The following PYGL variants were observed in gnomAD, a reference collection of about 807,000 sequenced individuals.
The protein encoded by PYGL is glycogen phosphorylase L.
Under a neutral mutation model 100.1 loss-of-function variants are expected in PYGL, and 90 were observed. That is an observed-to-expected ratio of 0.90 (90% CI 0.76 to 1.07). The LOEUF (loss-of-function observed/expected upper bound fraction) is 1.07. Ranked by LOEUF, PYGL falls within the 50% of genes least tolerant of loss-of-function variation. PYGL has a pLI of 0.00. For missense variants in PYGL, 1,016 were observed against 1,057.6 expected (o/e 0.96, Z 0.55); for synonymous variants, 373 against 393.0 (o/e 0.95, Z 0.60).
chr14:50,916,944 C>G lies in PYGL; in HGVS notation c.999+18G>C. 4 of 1,613,674 alleles carry G rather than the reference C, an allele frequency of 2.5e-6. No individual in the cohort carries two copies. The highest frequency in any genetic ancestry group is 3.4e-6 in the Non-Finnish European group (4 of 1,179,572). ...TCCCTCAGTGGACCCTAACTGCATCCACAGACTAAATACTTGCCTGATCCG... is the reference window on the plus strand; with the variant it reads ...TCCCTCAGTGGACCCTAACTGCATCGACAGACTAAATACTTGCCTGATCCG... On this transcript the variant is annotated intron_variant, in intron 8 of 19. Coordinates refer to ENST00000216392, the MANE Select transcript of PYGL (RefSeq NM_002863.5).
chr14:50,943,278 T>A (rs1307833326), intron 1 of PYGL, among the ~76,000 whole-genome samples: 1 of 152,152 alleles, frequency 6.6e-6, no homozygotes, highest in Non-Finnish European at 1.5e-5. Context: ...TCCCTCTCCC[T>A]GCCATGTCCT....
intron 19 of PYGL, 140 bp downstream of exon 19, chr14:50,908,130 GT>G: frequency 1.7e-6 from 1 of 579,492 alleles, no homozygotes. Context: ...TTGTTTGTTT[GT>G]TTTTGTTGTT....
At position 50,915,204 on chromosome 14, in the gene PYGL, T is replaced by C. The variant is rs2050434889; in HGVS notation, c.1403+132A>G. 3 of 1,155,688 alleles carry C rather than the reference T, an allele frequency of 2.6e-6. No homozygotes were observed. The Admixed American group carries it at 6.5e-5, about 25-fold the overall frequency. 71.6% of individuals were successfully genotyped at this position (1,155,688 alleles called of 1,614,324 possible). On this transcript the variant is annotated intron_variant, in intron 11 of 19. Coordinates refer to ENST00000216392, the MANE Select transcript of PYGL (RefSeq NM_002863.5). ...TTTTTTTTTTTTAGGCAAGAGTTTTTTGTATAGAAGAAAATACTTTTAAAC... is the reference window on the plus strand; with the variant it reads ...TTTTTTTTTTTTAGGCAAGAGTTTTCTGTATAGAAGAAAATACTTTTAAAC...
intron 11 of PYGL, 66 bp from the exon 12 acceptor site, chr14:50,914,881 A>G: frequency 8.2e-7 from 1 of 1,226,620 alleles, no homozygotes; most frequent in South Asian, 1.2e-5. Flanking sequence ...ACACTGGACA[A>G]AGTTCGGAGT....
intron 7 of PYGL, 42 bp downstream of exon 7, chr14:50,920,499 G>T (rs1226221905): frequency 9.9e-6 from 15 of 1,517,892 alleles, no homozygotes; most frequent in Non-Finnish European, 1.4e-5. Flanking sequence ...TGTGAAATAA[G>T]CTGCCTCTGT....
In PYGL at chr14:50,905,569, T is replaced by C. The variant is rs778041070; in HGVS notation, c.2380-13A>G. The C allele has an allele frequency of 6.2e-7, 1 of 1,613,670 alleles. No individual in the cohort carries two copies. Among genetic ancestry groups the C allele is most frequent in the African/African-American group, 1.3e-5 (1 of 74,908 alleles). ...AGGCCTTTGGATTCTGTAAACAACA[T>C]ATGCATATACAGCCCAGAGTCCCAG... On this transcript the variant is annotated splice_polypyrimidine_tract_variant and intron_variant, in intron 19 of 19. Coordinates refer to ENST00000216392, the MANE Select transcript of PYGL (RefSeq NM_002863.5).
In PYGL at chr14:50,935,091, T is replaced by C. The variant is rs1410337795; in HGVS notation, c.424+16A>G. ...CAATCGGCCAGACAATATAATACACTCACAATGTCACTTACCAGCAAGTCT... is the reference window on the plus strand; with the variant it reads ...CAATCGGCCAGACAATATAATACACCCACAATGTCACTTACCAGCAAGTCT... On this transcript the variant is annotated intron_variant, in intron 3 of 19. Transcript: ENST00000216392. 1 of 1,593,624 alleles carries C rather than the reference T, an allele frequency of 6.3e-7. No homozygotes were observed. The highest frequency in any genetic ancestry group is 1.3e-5 in the African/African-American group (1 of 74,570).
At position 50,913,028 on chromosome 14, in the gene PYGL, C is replaced by G. The variant is rs113993981; in HGVS notation, c.1620+1G>C. The G allele has an allele frequency of 3.1e-6, 5 of 1,613,834 alleles. No homozygotes were observed. In the South Asian group the frequency reaches 5.5e-5, roughly 18 times the overall value. On this transcript the variant is annotated splice_donor_variant, in intron 13 of 19. Transcript: ENST00000216392. LOFTEE classifies it high-confidence loss of function. ...AGGGGACCCACACCTGGAAGGCTCA[C>G]CTGCTTCACCTTGGCGAGTTCCCGG...
At position 50,915,340 on chromosome 14, in the gene PYGL, T is replaced by C. The variant is rs1180343846; in HGVS notation, c.1399A>G (p.Lys467Glu). ...AKIHSDIVKT[K>E]VFKDFSELEP... ...GCCAGAGTAATGGAGGCTCACACTT[T>C]AGTCTTCACGATGTCTGAGTGGATT... The change falls in exon 11 of 20, where the codon AAA (lysine) becomes GAA (glutamate). Residue 467 changes from lysine (K) to glutamate (E), a missense_variant. Lys to Glu is a moderately conservative substitution (Grantham distance 56). Transcript: ENST00000216392. 1.2e-6 allele frequency: 2 copies of C among 1,614,210 alleles called. No individual in the cohort carries two copies. The highest frequency in any genetic ancestry group is 2.2e-5 in the East Asian group (1 of 44,890).
At position 50,935,161 on chromosome 14, in the gene PYGL, C is replaced by T; in HGVS notation, c.370G>A (p.Glu124Lys). The T allele has an allele frequency of 6.2e-7, 1 of 1,612,626 alleles. No individual in the cohort carries two copies. Among genetic ancestry groups the T allele is most frequent in the Non-Finnish European group, 8.5e-7 (1 of 1,178,622 alleles). ...YQLGLDIEEL[E>K]EIEEDAGLGN... ...AGTCCAGCATCTTCTTCAATTTCTT[C>T]TAACTCTTCTATATCCAATCCAAGC... Residue 124 changes from glutamate (E) to lysine (K), a missense_variant, in exon 3 of 20, where the codon GAA becomes AAA. Glu to Lys is a moderately conservative substitution (Grantham distance 56, BLOSUM62 1). Transcript: ENST00000216392.
chr14:50,931,227 G>A (rs1422126354), intron 4 of PYGL, among the ~76,000 whole-genome samples: 1 of 152,146 alleles, frequency 6.6e-6, no homozygotes, highest in Non-Finnish European at 1.5e-5. Context: ...GGCCAGCAGT[G>A]TGATCTGAGG....
chr14:50,943,760 T>C (rs2050721792), intron 1 of PYGL, among the ~76,000 whole-genome samples: 1 of 152,098 alleles, frequency 6.6e-6, no homozygotes, highest in African/African-American at 2.4e-5. Context: ...TAGGGCTGAG[T>C]GTCCAGGGCA....
At chr14:50,937,223 A>G (rs2050661331) in intron 2 of PYGL, among the ~76,000 whole-genome samples, 1 of 152,248 alleles carries the variant, frequency 6.6e-6, no homozygotes, top group South Asian at 2.1e-4. Context: ...AACTTAGCAC[A>G]TTAGGGTTAA....
At position 50,935,092 on chromosome 14, in the gene PYGL, C is replaced by G. The variant is rs1330717726; in HGVS notation, c.424+15G>C. On this transcript the variant is annotated intron_variant, in intron 3 of 19. Coordinates refer to ENST00000216392, the MANE Select transcript of PYGL (RefSeq NM_002863.5). ...AATCGGCCAGACAATATAATACACT[C>G]ACAATGTCACTTACCAGCAAGTCTC... 5.0e-6 allele frequency: 8 copies of G among 1,594,220 alleles called. No individual in the cohort carries two copies. The highest frequency in any genetic ancestry group is 6.9e-6 in the Non-Finnish European group (8 of 1,162,102).
Position 50,937,626 on chromosome 14 carries a change from C to T in PYGL, c.345+110G>A, listed in dbSNP as rs183387069. ...TTTGTAATAGCCACATCTATAGAGGCGATTTTTCACTCTTATTTTACTTTA... is the reference window on the plus strand; with the variant it reads ...TTTGTAATAGCCACATCTATAGAGGTGATTTTTCACTCTTATTTTACTTTA... On this transcript the variant is annotated intron_variant, in intron 2 of 19. Transcript: ENST00000216392. The T allele has an allele frequency of 5.1e-4, 536 of 1,043,860 alleles. 1 individual carries two copies. Among genetic ancestry groups the T allele is most frequent in the African/African-American group, 5.0e-3 (320 of 63,724 alleles). 64.7% of individuals were successfully genotyped at this position (1,043,860 alleles called of 1,614,324 possible).
intron 19 of PYGL, chr14:50,908,037 A>G (rs964247347): frequency 2.8e-6 from 1 of 357,428 alleles, no homozygotes; most frequent in South Asian, 2.9e-5. Flanking sequence ...AAAAAAAAAA[A>G]AAAATTACAA....
rs1201078523 is a variant in PYGL at position 50,910,482 on chromosome 14, GTC to G, written c.1970-382_1970-381del. On this transcript the variant is annotated intron_variant, in intron 16 of 19. Coordinates refer to ENST00000216392, the MANE Select transcript of PYGL (RefSeq NM_002863.5). ...TTTTCTTTCTCTTTTTTGGTACAGG[GTC>G]TCTCTCTGTCACCCAGGCTGGAGTG... 5.9e-5 allele frequency among the ~76,000 whole-genome samples: 9 copies of G among 151,378 alleles called. 1 individual carries two copies. In the South Asian group the frequency reaches 1.5e-3, roughly 25 times the overall value.
rs1463095734 is a variant in PYGL at position 50,913,176 on chromosome 14, C to G, written c.1519-46G>C. ...ATGACTTCAATTTGGGGATGGTAAT[C>G]AAGTCCAAATGGGCAGTTTCTGTCA... On this transcript the variant is annotated intron_variant, in intron 12 of 19. Coordinates refer to ENST00000216392, the MANE Select transcript of PYGL (RefSeq NM_002863.5). 2.2e-5 allele frequency: 35 copies of G among 1,561,410 alleles called. No homozygotes were observed. The East Asian group carries it at 7.9e-4, about 35-fold the overall frequency.
Position 50,931,728 on chromosome 14 carries a change from TA to T in PYGL, c.472del (p.Tyr158ThrfsTer20), listed in dbSNP as rs1333839931. ...AATCCCATATTCATACCGAATGCCG[TA>T]TCCATAGGCTGCAAGTCCCAGGGTT... ...MATLGLAAYGYGIRYEYGIFN... is the reference protein window; with the variant it reads ...MATLGLAAYGXGIRYEYGIFN... On this transcript the variant is annotated frameshift_variant, in exon 4 of 20. Transcript: ENST00000216392. LOFTEE classifies it high-confidence loss of function. 2 of 1,613,962 alleles carry T rather than the reference TA, an allele frequency of 1.2e-6. No homozygotes were observed. Among genetic ancestry groups the T allele is most frequent in the Admixed American group, 3.3e-5 (2 of 59,998 alleles).
Sources: allele counts gnomAD v4.1 joint callset (sites outside exome capture counted in the v4.1 genomes callset), GRCh38; gene constraint gnomAD v4.1.1; transcripts MANE v1.5; gene names NCBI Gene and HGNC (gene_info 2026-07-23, HGNC 2026-07-21).